MINK1: variants seen among roughly 807,000 people sequenced by gnomAD.
The protein encoded by MINK1 is misshapen-like kinase 1.
A neutral mutation model predicts 178.4 loss-of-function variants in MINK1; 46 were observed. The observed-to-expected ratio is 0.26, with a 90% CI of 0.20 to 0.33. The LOEUF (loss-of-function observed/expected upper bound fraction) is 0.33. Ranked by LOEUF, MINK1 falls within the 10% of genes least tolerant of loss-of-function variation. The pLI, the probability that MINK1 is intolerant of heterozygous loss-of-function variation, is 1.00. For synonymous variants in MINK1, 797 were observed against 709.7 expected (o/e 1.12, Z -1.96); for missense variants, 1,366 against 1,814.9 (o/e 0.75, Z 4.49).
At chr17:4,857,288 G>GGCA in intron 1 of MINK1, 2 of 202,282 alleles carry the variant, frequency 9.9e-6, no homozygotes, top group Non-Finnish European at 2.1e-5. Context: ...CCATGCCACA[G>GGCA]GCAGCACCCA....
chr17:4,897,640 C>T lies in MINK1; in HGVS notation c.*353C>T. On this transcript the variant is annotated 3_prime_UTR_variant, in exon 32 of 32. Transcript: ENST00000355280. ...CCCACTGCTGCTGACTGGGCAGGGC[C>T]CTGGACCCCTTTATTTGCACGTCAG... The T allele has an allele frequency of 5.0e-6, 1 of 198,314 alleles. No individual in the cohort carries two copies. The highest frequency in any genetic ancestry group is 1.0e-5 in the Non-Finnish European group (1 of 97,764). 12.3% of individuals were successfully genotyped at this position (198,314 alleles called of 1,614,324 possible).
intron 1 of MINK1, among the ~76,000 whole-genome samples, chr17:4,861,354 C>T (rs1297762909): frequency 6.6e-6 from 1 of 152,168 alleles, no homozygotes; most frequent in Non-Finnish European, 1.5e-5. Flanking sequence ...AATTATACAT[C>T]GTAAACAACG....
chr17:4,868,334 G>A (rs748570760), intron 1 of MINK1, among the ~76,000 whole-genome samples: 4 of 152,092 alleles, frequency 2.6e-5, no homozygotes, highest in Non-Finnish European at 5.9e-5. Flanking sequence ...TTACCCTACT[G>A]TGCTGTCAAA....
At chr17:4,872,532 GGAGGCC>G (rs1304396211) in intron 1 of MINK1, among the ~76,000 whole-genome samples, 2 of 152,108 alleles carry the variant, frequency 1.3e-5, no homozygotes, top group African/African-American at 4.8e-5. Flanking sequence ...CAGCACTTTG[GGAGGCC>G]GAGGTGGGTG....
chr17:4,851,548 G>A (rs1318515552), intron 1 of MINK1, among the ~76,000 whole-genome samples: 1 of 152,060 alleles, frequency 6.6e-6, no homozygotes, highest in African/African-American at 2.4e-5. Flanking sequence ...CCCAGCCTCT[G>A]CCCGTTTCCT....
At chr17:4,893,153 C>A (rs145829938) in intron 20 of MINK1, 86 bp downstream of exon 20, 1 of 1,507,886 alleles carries the variant, frequency 6.6e-7, no homozygotes, top group African/African-American at 1.4e-5. Context: ...GTGGGGTCTC[C>A]GCTGATCTAC....
intron 16 of MINK1, 72 bp downstream of exon 16, chr17:4,891,788 C>T: frequency 1.3e-6 from 2 of 1,497,822 alleles, no homozygotes; most frequent in Non-Finnish European, 1.8e-6. Context: ...AGTGAAGGGG[C>T]AGGCCACATG....
chr17:4,841,621 T>C (rs565866349), intron 1 of MINK1, among the ~76,000 whole-genome samples: 15 of 152,024 alleles, frequency 9.9e-5, no homozygotes, highest in Non-Finnish European at 1.9e-4. Context: ...TATTGAATAA[T>C]GTTTTATGGT....
At chr17:4,851,300 G>A (rs1164892198) in intron 1 of MINK1, among the ~76,000 whole-genome samples, 1 of 152,166 alleles carries the variant, frequency 6.6e-6, no homozygotes, top group African/African-American at 2.4e-5. Context: ...ACCTCCAAGA[G>A]GTTAAGTGAT....
At chr17:4,877,459 C>G (rs1967281918) in intron 1 of MINK1, among the ~76,000 whole-genome samples, 1 of 152,208 alleles carries the variant, frequency 6.6e-6, no homozygotes, top group South Asian at 2.1e-4. Context: ...TTGCCTCAAA[C>G]CCTGGCCTGG....
intron 1 of MINK1, among the ~76,000 whole-genome samples, chr17:4,870,102 C>T (rs1049282677): frequency 3.3e-5 from 5 of 151,224 alleles, no homozygotes; most frequent in African/African-American, 7.3e-5. Flanking sequence ...GTAGTAGAGA[C>T]GGGGTTTCAC....
intron 31 of MINK1, 177 bp from the exon 32 acceptor site, chr17:4,897,025 CCT>C (rs762839824): frequency 5.5e-5 from 48 of 874,664 alleles, no homozygotes; most frequent in Non-Finnish European, 7.9e-5. Context: ...AGTGGTGCAC[CCT>C]CTCCCCTAAC....
In MINK1 at chr17:4,889,601, C is replaced by T; in HGVS notation, c.1231-46C>T. The T allele has an allele frequency of 1.3e-6, 2 of 1,485,654 alleles. 1 individual carries two copies. Among genetic ancestry groups the T allele is most frequent in the Non-Finnish European group, 1.8e-6 (2 of 1,089,298 alleles). The allele number at this position is 1,485,654 out of a possible 1,614,324, so 92.0% of individuals were successfully genotyped here. On this transcript the variant is annotated intron_variant, in intron 12 of 31. Transcript: ENST00000355280. ...CCTGTCCATGGAGGGGCAGTGCTGA[C>T]GCGATGTCCGGTATGGTTCTTAAGA...
chr17:4,892,812 T>A, intron 19 of MINK1, 44 bp downstream of exon 19: 2 of 1,534,376 alleles, frequency 1.3e-6, no homozygotes, highest in Non-Finnish European at 1.8e-6. Flanking sequence ...GCCTGGGGGC[T>A]TATCACCATG....
At chr17:4,842,389 G>A (rs1025394531) in intron 1 of MINK1, among the ~76,000 whole-genome samples, 2 of 152,142 alleles carry the variant, frequency 1.3e-5, no homozygotes, top group East Asian at 1.9e-4. Flanking sequence ...GGAGAGACCC[G>A]GGGAGGGACT....
chr17:4,843,895 G>T (rs1038891376), intron 1 of MINK1, among the ~76,000 whole-genome samples: 2 of 152,282 alleles, frequency 1.3e-5, no homozygotes, highest in Non-Finnish European at 2.9e-5. Context: ...CTGCTCCCAC[G>T]TGGCGGTGGG....
chr17:4,855,986 A>T (rs1157987463), intron 1 of MINK1, among the ~76,000 whole-genome samples: 2 of 151,906 alleles, frequency 1.3e-5, no homozygotes, highest in African/African-American at 4.8e-5. Flanking sequence ...AAAAAAAAAA[A>T]AAAGTCCAGT....
At chr17:4,856,106 T>C (rs1295213770) in intron 1 of MINK1, among the ~76,000 whole-genome samples, 3 of 152,154 alleles carry the variant, frequency 2.0e-5, no homozygotes, top group African/African-American at 7.2e-5. Context: ...TCTCCTTCTC[T>C]CGCCATAGGA....
chr17:4,893,886 TGAATA>T, intron 21 of MINK1, 97 bp from the exon 22 acceptor site: 1 of 1,039,294 alleles, frequency 9.6e-7, no homozygotes, highest in African/African-American at 1.6e-5. Context: ...GGTTGTGTTT[TGAATA>T]GAGACAAAAG....
Sources: gnomAD v4.1 joint callset for allele counts (sites outside exome capture counted in the v4.1 genomes callset) on GRCh38, gnomAD v4.1.1 for gene constraint, MANE v1.5 for transcripts, NCBI Gene and HGNC (gene_info 2026-07-23, HGNC 2026-07-21) for gene names.